The following SYK variants were observed in gnomAD, a reference collection of about 807,000 sequenced individuals.
SYK encodes spleen associated tyrosine kinase, also known as tyrosine-protein kinase SYK.
Under a neutral mutation model 77.8 loss-of-function variants are expected in SYK, and 16 were observed. The observed-to-expected ratio is 0.21, with a 90% confidence interval of 0.14 to 0.31. The LOEUF (loss-of-function observed/expected upper bound fraction) is 0.31. Ranked by LOEUF, SYK falls within the 10% of genes least tolerant of loss-of-function variation. The pLI, the probability that SYK is intolerant of heterozygous loss-of-function variation, is 1.00. For synonymous variants in SYK, 312 were observed against 308.7 expected (o/e 1.01, Z -0.11); for missense variants, 529 against 814.4 (o/e 0.65, Z 4.26).
chr9:90,803,164 G>C (rs1457707438), intron 1 of SYK, among the ~76,000 whole-genome samples: 1 of 152,086 alleles, frequency 6.6e-6, no homozygotes, highest in African/African-American at 2.4e-5. Flanking sequence ...TGTTCTGAAC[G>C]GCACTTTTGT....
intron 7 of SYK, among the ~76,000 whole-genome samples, chr9:90,869,269 C>T (rs1827634346): frequency 6.6e-6 from 1 of 150,928 alleles, no homozygotes; most frequent in South Asian, 2.1e-4. Context: ...GTGAAAATAC[C>T]TTTCTGGCAA....
intron 1 of SYK, among the ~76,000 whole-genome samples, chr9:90,824,335 A>C (rs1376147441): frequency 1.3e-5 from 2 of 152,174 alleles, no homozygotes; most frequent in Non-Finnish European, 2.9e-5. Context: ...AGTTTTCCAT[A>C]ATCTCTTCCA....
chr9:90,849,121 G>C (rs376861278), intron 3 of SYK, among the ~76,000 whole-genome samples: 1 of 152,218 alleles, frequency 6.6e-6, no homozygotes, highest in Non-Finnish European at 1.5e-5. Flanking sequence ...GGGCAAGTTG[G>C]GGGGGCTGTC....
At chr9:90,828,905 G>T (rs1825776782) in intron 1 of SYK, among the ~76,000 whole-genome samples, 1 of 152,126 alleles carries the variant, frequency 6.6e-6, no homozygotes, top group Non-Finnish European at 1.5e-5. Context: ...CACTGAACGT[G>T]GTCAACTTGC....
chr9:90,805,206 T>G (rs1824774110), intron 1 of SYK, among the ~76,000 whole-genome samples: 4 of 152,212 alleles, frequency 2.6e-5, no homozygotes, highest in Admixed American at 6.5e-5. Flanking sequence ...CGAGGACAGT[T>G]AAGAATGTTG....
intron 12 of SYK, 38 bp downstream of exon 12, chr9:90,887,927 A>G (rs762651817): frequency 6.5e-7 from 1 of 1,533,578 alleles, no homozygotes; most frequent in Non-Finnish European, 8.8e-7. Context: ...CTGTGGGGCC[A>G]TTAGAACAGA....
At chr9:90,842,314 AGT>A (rs978374623) in intron 1 of SYK, among the ~76,000 whole-genome samples, 35 of 136,174 alleles carry the variant, frequency 2.6e-4, no homozygotes, top group African/African-American at 7.0e-4. Context: ...TGTGGTATGG[AGT>A]GTGTGTGTGT....
At chr9:90,890,694 CTT>C (rs759801253) in intron 13 of SYK, among the ~76,000 whole-genome samples, 4 of 152,242 alleles carry the variant, frequency 2.6e-5, no homozygotes, top group Non-Finnish European at 5.9e-5. Flanking sequence ...CTTTATCAGA[CTT>C]TGATTTATTT....
chr9:90,821,282 A>G (rs1267007228), intron 1 of SYK, among the ~76,000 whole-genome samples: 1 of 152,072 alleles, frequency 6.6e-6, no homozygotes, highest in African/African-American at 2.4e-5. Flanking sequence ...TTTCAGCAAC[A>G]CCCCACTCTT....
In SYK at chr9:90,845,457, C is replaced by G; in HGVS notation, c.441C>G (p.Ile147Met). 2 of 1,614,178 alleles carry G rather than the reference C, an allele frequency of 1.2e-6. No homozygotes were observed. The highest frequency in any genetic ancestry group is 1.7e-6 in the Non-Finnish European group (2 of 1,180,018). Reference protein sequence around the residue: ...NLQGQALEQAIISQKPQLEKL... With the variant: ...NLQGQALEQAMISQKPQLEKL... ...AGGGTCAGGCTCTGGAGCAGGCCAT[C>G]ATCAGTCAGAAGCCTCAGCTGGAGA... Residue 147 changes from isoleucine (I) to methionine (M), a missense_variant, in exon 3 of 14, where the codon ATC becomes ATG. By Grantham distance (10) the Ile-to-Met change is conservative. Coordinates refer to ENST00000375754, the MANE Select transcript of SYK (RefSeq NM_003177.7).
intron 13 of SYK, among the ~76,000 whole-genome samples, chr9:90,891,419 T>TA (rs1199131108): frequency 1.3e-5 from 2 of 152,140 alleles, no homozygotes; most frequent in South Asian, 2.1e-4. Flanking sequence ...CCTGCTTTTT[T>TA]ACTGCACACG....
chr9:90,803,387 GA>G (rs1353949707), intron 1 of SYK, among the ~76,000 whole-genome samples: 15 of 151,420 alleles, frequency 9.9e-5, no homozygotes, highest in African/African-American at 3.7e-4. Flanking sequence ...ATTGTGGGAA[GA>G]TTTTTTTTTA....
chr9:90,867,296 C>A, intron 7 of SYK, 97 bp downstream of exon 7: 1 of 1,257,846 alleles, frequency 8.0e-7, no homozygotes, highest in Non-Finnish European at 1.2e-6. Context: ...TGCGCTGCCC[C>A]CCATCTCTTG....
At chr9:90,875,414 CA>C (rs201486869) in intron 9 of SYK, among the ~76,000 whole-genome samples, 3 of 131,072 alleles carry the variant, frequency 2.3e-5, no homozygotes, top group Non-Finnish European at 4.9e-5. Context: ...AAAAACAAAA[CA>C]AAAAAAAGAA....
chr9:90,808,298 A>AT (rs1212420904), intron 1 of SYK, among the ~76,000 whole-genome samples: 1 of 151,914 alleles, frequency 6.6e-6, no homozygotes, highest in Non-Finnish European at 1.5e-5. Flanking sequence ...CTTCTTTGGG[A>AT]TTTTTTTAAG....
rs1318864737 is a variant in SYK, at chr9:90,884,680, C to T, written c.1582-3069C>T. ...ACATATGTGTACATGTACATATATA[C>T]ACATATACACATATGTGTACATGTA... On this transcript the variant is annotated intron_variant, in intron 11 of 13. Transcript: ENST00000375754. Among the ~76,000 whole-genome samples, 7 of 51,820 alleles carry T rather than the reference C, an allele frequency of 1.4e-4. 2 individuals are homozygous for T. The Admixed American group carries it at 1.5e-3, about 11-fold the overall frequency. The allele number at this position is 51,820 out of a possible 152,430, so 34.0% of individuals were successfully genotyped here.
Position 90,887,755 on chromosome 9 carries a change from AC to A in SYK, c.1591del (p.His531MetfsTer31). Reference protein sequence around the residue: ...RADENYYKAQTHGKWPVKWYA... With the variant: ...RADENYYKAQXHGKWPVKWYA... ...CCCTCTGCTTTGCTTTTAGGCCCAGACCCATGGAAAGTGGCCTGTCAAGTGG... is the reference window on the plus strand; with the variant it reads ...CCCTCTGCTTTGCTTTTAGGCCCAGACCATGGAAAGTGGCCTGTCAAGTGG... On this transcript the variant is annotated frameshift_variant, in exon 12 of 14. Coordinates refer to ENST00000375754, the MANE Select transcript of SYK (RefSeq NM_003177.7). LOFTEE classifies it high-confidence loss of function. 6.2e-7 allele frequency: 1 copy of A among 1,609,240 alleles called. No homozygotes were observed. Among genetic ancestry groups the A allele is most frequent in the Non-Finnish European group, 8.5e-7 (1 of 1,177,498 alleles).
intron 9 of SYK, among the ~76,000 whole-genome samples, chr9:90,876,366 ATG>A (rs10589163): frequency 0.18 from 26,960 of 151,648 alleles, 2,774 homozygotes; most frequent in Admixed American, 0.3. Flanking sequence ...GTTTTTGTGC[ATG>A]TGTGTGTGTG....
In SYK at chr9:90,844,035, A is replaced by G. The variant is rs1205743055; in HGVS notation, c.137A>G (p.Asn46Ser). Residue 46 changes from asparagine (N) to serine (S), a missense_variant, in exon 2 of 14, where the codon AAC becomes AGC. By Grantham distance (46) the Asn-to-Ser change is conservative. This residue lies in a region of SYK where 321 missense variants were observed against 433.1 expected (regional missense o/e 0.74). Coordinates refer to ENST00000375754, the MANE Select transcript of SYK (RefSeq NM_003177.7). ...DGLYLLRQSR[N>S]YLGGFALSVA... ...CTTTATTTGCTGCGCCAGAGCCGCA[A>G]CTACCTGGGTGGCTTCGCCCTGTCC... 1.2e-6 allele frequency: 2 copies of G among 1,612,664 alleles called. No individual in the cohort carries two copies. Among genetic ancestry groups the G allele is most frequent in the Admixed American group, 1.7e-5 (1 of 59,856 alleles).
Sources: allele counts gnomAD v4.1 joint callset (sites outside exome capture counted in the v4.1 genomes callset), GRCh38; gene constraint gnomAD v4.1.1; regional missense constraint gnomAD v4.1.1; transcripts MANE v1.5; gene names NCBI Gene and HGNC (gene_info 2026-07-23, HGNC 2026-07-21).